The following VPS13B variants were observed in gnomAD, a reference collection of about 807,000 sequenced individuals.
VPS13B encodes the protein vacuolar protein sorting 13 homolog B.
Under a neutral mutation model 426.4 loss-of-function variants are expected in VPS13B, and 285 were observed. The observed-to-expected ratio is 0.67, with a 90% CI of 0.61 to 0.74. The LOEUF (loss-of-function observed/expected upper bound fraction) is 0.74. VPS13B is among the 30% of genes least tolerant of loss of function. VPS13B has a pLI of 0.00. For synonymous variants in VPS13B, 1,676 were observed against 1,676.4 expected (o/e 1.00, Z 0.01); for missense variants, 4,537 against 4,782.6 (o/e 0.95, Z 1.51).
At chr8:99,451,577 T>C (rs1441821386) in intron 23 of VPS13B, among the ~76,000 whole-genome samples, 2 of 152,220 alleles carry the variant, frequency 1.3e-5, no homozygotes, top group African/African-American at 2.4e-5. Flanking sequence ...AAGTGCTCGG[T>C]AAAAACCATT....
At chr8:99,251,657 G>A (rs997877449) in intron 17 of VPS13B, among the ~76,000 whole-genome samples, 2 of 152,066 alleles carry the variant, frequency 1.3e-5, no homozygotes, top group African/African-American at 4.8e-5. Context: ...AATAGCTTTG[G>A]TTTTGGTATC....
intron 36 of VPS13B, among the ~76,000 whole-genome samples, chr8:99,704,359 G>A (rs1294818507): frequency 6.6e-6 from 1 of 152,106 alleles, no homozygotes; most frequent in Non-Finnish European, 1.5e-5. Flanking sequence ...GATAAAAAGT[G>A]GAGCTCCAAC....
intron 17 of VPS13B, among the ~76,000 whole-genome samples, chr8:99,216,099 G>A (rs1364961984): frequency 2.0e-5 from 3 of 152,160 alleles, no homozygotes; most frequent in African/African-American, 7.2e-5. Context: ...TAGGTAGGCA[G>A]CTACTAATCC....
chr8:99,515,808 C>G (rs1263254772), intron 29 of VPS13B, among the ~76,000 whole-genome samples: 2 of 152,100 alleles, frequency 1.3e-5, no homozygotes, highest in Admixed American at 6.5e-5. Flanking sequence ...ATTTCTTACT[C>G]TTACCCTAAC....
In VPS13B at chr8:99,147,940, G is replaced by T; in HGVS notation, c.1943G>T (p.Cys648Phe). ...TRHTSVTLLK[C>F]TCTISMAEFN... Reference sequence around the variant, plus strand: ...CATACAAGTGTTACTCTCCTCAAATGTACCTGCACAATTTCCATGGCTGAA... The same window carrying T: ...CATACAAGTGTTACTCTCCTCAAATTTACCTGCACAATTTCCATGGCTGAA... Residue 648 changes from cysteine to phenylalanine, a missense_variant, in exon 14 of 62, where the codon TGT becomes TTT. Physicochemically the swap from Cys to Phe is radical, Grantham distance 205. Transcript: ENST00000357162. 2.5e-6 allele frequency: 4 copies of T among 1,613,488 alleles called. No homozygotes were observed. Among genetic ancestry groups the T allele is most frequent in the Non-Finnish European group, 3.4e-6 (4 of 1,179,814 alleles).
chr8:99,797,312 T>G (rs1297234181), intron 43 of VPS13B, among the ~76,000 whole-genome samples: 3 of 151,950 alleles, frequency 2.0e-5, no homozygotes, highest in East Asian at 3.9e-4. Context: ...CGTCCACAGC[T>G]CTCTACAGCC....
chr8:99,224,212 T>C (rs971653836), intron 17 of VPS13B, among the ~76,000 whole-genome samples: 6 of 152,234 alleles, frequency 3.9e-5, no homozygotes, highest in Admixed American at 1.3e-4. Flanking sequence ...ATGGGTTTTT[T>C]TTCTGAAACA....
intron 44 of VPS13B, among the ~76,000 whole-genome samples, chr8:99,811,320 A>T (rs1490549197): frequency 6.6e-6 from 1 of 152,182 alleles, no homozygotes. Flanking sequence ...TGAGAACTCC[A>T]CAAGTCACCT....
chr8:99,482,291 C>T (rs1820082595), intron 25 of VPS13B, among the ~76,000 whole-genome samples: 1 of 152,016 alleles, frequency 6.6e-6, no homozygotes, highest in South Asian at 2.1e-4. Flanking sequence ...CCTAGCATGC[C>T]AGTACCTCTT....
At chr8:99,416,575 G>A (rs1816019261) in intron 21 of VPS13B, among the ~76,000 whole-genome samples, 1 of 152,204 alleles carries the variant, frequency 6.6e-6, no homozygotes. Context: ...CACCAGGTCT[G>A]CGGGTTGTGA....
chr8:99,576,816 G>A (rs1825799526), intron 32 of VPS13B, among the ~76,000 whole-genome samples: 1 of 152,176 alleles, frequency 6.6e-6, no homozygotes, highest in African/African-American at 2.4e-5. Flanking sequence ...CACCAATTAA[G>A]TTATGGACAT....
intron 34 of VPS13B, among the ~76,000 whole-genome samples, chr8:99,645,962 A>G (rs1320578170): frequency 6.6e-6 from 1 of 152,164 alleles, no homozygotes; most frequent in Non-Finnish European, 1.5e-5. Flanking sequence ...AAAGAGAAAA[A>G]TATAAATGGC....
intron 34 of VPS13B, among the ~76,000 whole-genome samples, chr8:99,646,804 G>A (rs548679644): frequency 4.6e-5 from 7 of 152,076 alleles, no homozygotes; most frequent in South Asian, 4.2e-4. Context: ...AGAATGTGGC[G>A]CCTCCCCACT....
intron 14 of VPS13B, among the ~76,000 whole-genome samples, chr8:99,148,228 G>A (rs1810852625): frequency 6.6e-6 from 1 of 151,724 alleles, no homozygotes; most frequent in African/African-American, 2.4e-5. Context: ...ATTTGGCACG[G>A]TGGCACATGC....
chr8:99,552,383 C>T (rs1222325842), intron 30 of VPS13B, among the ~76,000 whole-genome samples: 1 of 151,884 alleles, frequency 6.6e-6, no homozygotes, highest in Admixed American at 6.6e-5. Flanking sequence ...TGATTTCATC[C>T]CAAGAGACTG....
At chr8:99,547,267 G>A (rs552459359) in intron 30 of VPS13B, among the ~76,000 whole-genome samples, 1 of 152,132 alleles carries the variant, frequency 6.6e-6, no homozygotes, top group Admixed American at 6.6e-5. Context: ...TAGTACTCCT[G>A]CCCTAATCGT....
At chr8:99,488,706 G>A (rs868678276) in intron 25 of VPS13B, among the ~76,000 whole-genome samples, 4 of 152,242 alleles carry the variant, frequency 2.6e-5, no homozygotes, top group Middle Eastern at 6.8e-3. Flanking sequence ...ACTGATATTA[G>A]CTTGATTCTA....
chr8:99,564,142 G>C (rs1488888133), intron 31 of VPS13B, among the ~76,000 whole-genome samples: 1 of 152,062 alleles, frequency 6.6e-6, no homozygotes, highest in East Asian at 1.9e-4. Context: ...AGAATCATCA[G>C]ATTTTAAAAC....
chr8:99,700,839 G>A (rs977030312), intron 36 of VPS13B, among the ~76,000 whole-genome samples: 13 of 152,178 alleles, frequency 8.5e-5, no homozygotes, highest in African/African-American at 2.7e-4. Context: ...TCAGGGCACA[G>A]GGCCAGAAAT....
Sources: allele counts gnomAD v4.1 joint callset (sites outside exome capture counted in the v4.1 genomes callset), GRCh38; gene constraint gnomAD v4.1.1; transcripts MANE v1.5; gene names NCBI Gene and HGNC (gene_info 2026-07-23, HGNC 2026-07-21).